The following TM4SF19 variants were observed in gnomAD, a reference collection of about 807,000 sequenced individuals.
The protein encoded by TM4SF19 is transmembrane 4 L6 family member 19.
A neutral mutation model predicts 21.8 loss-of-function variants in TM4SF19; 17 were observed. That is an observed-to-expected ratio of 0.78 (90% CI 0.53 to 1.17). The LOEUF (loss-of-function observed/expected upper bound fraction) is 1.17. TM4SF19 is among the 50% of genes most tolerant of loss of function. The pLI is 0.00. For missense variants in TM4SF19, 216 were observed against 252.1 expected (o/e 0.86, Z 0.97); for synonymous variants, 107 against 106.7 (o/e 1.00, Z -0.02).
chr3:196,335,587 G>T (rs1201363142), intron 1 of TM4SF19, among the ~76,000 whole-genome samples: 1 of 151,588 alleles, frequency 6.6e-6, no homozygotes, highest in African/African-American at 2.4e-5. Context: ...GGGGCCCAAG[G>T]GTCCTGGGGC....
At chr3:196,331,062 T>G (rs1007773969) in intron 1 of TM4SF19, among the ~76,000 whole-genome samples, 2 of 151,980 alleles carry the variant, frequency 1.3e-5, no homozygotes, top group African/African-American at 4.8e-5. Context: ...TCGCCTGATG[T>G]CAGGAGTTTG....
At chr3:196,337,051 CTTTTTTTTTTTTTTT>C (rs35897935) in intron 1 of TM4SF19, among the ~76,000 whole-genome samples, 22 of 67,818 alleles carry the variant, frequency 3.2e-4, no homozygotes, top group Non-Finnish European at 5.1e-4. Context: ...AAAAGCAATT[CTTTTTTTTTTTTTTT>C]TTTTTTTTTT....
At position 196,323,691 on chromosome 3, in the gene TM4SF19, T is replaced by G. The variant is rs973078846; in HGVS notation, c.*126A>C. 1 of 1,543,098 alleles carries G rather than the reference T, an allele frequency of 6.5e-7. No homozygotes were observed. On this transcript the variant is annotated 3_prime_UTR_variant, in exon 5 of 5. Coordinates refer to ENST00000273695, the MANE Select transcript of TM4SF19 (RefSeq NM_138461.4). Reference sequence around the variant, plus strand: ...TCCACCGACCTGCAGTGAATTTTGTTGTCATTATTACTCCAGGGATACCTA... The same window carrying G: ...TCCACCGACCTGCAGTGAATTTTGTGGTCATTATTACTCCAGGGATACCTA...
chr3:196,337,601 GA>G (rs1451882962), intron 1 of TM4SF19, among the ~76,000 whole-genome samples: 1 of 152,128 alleles, frequency 6.6e-6, no homozygotes, highest in African/African-American at 2.4e-5. Context: ...GCGGGTAAGG[GA>G]AAAACGCCTC....
chr3:196,336,018 A>T (rs1252387857), intron 1 of TM4SF19, among the ~76,000 whole-genome samples: 4 of 151,974 alleles, frequency 2.6e-5, no homozygotes, highest in Admixed American at 2.6e-4. Context: ...CCTTCAAATC[A>T]CGGCACCTCT....
chr3:196,335,797 G>A (rs1057147444), intron 1 of TM4SF19, among the ~76,000 whole-genome samples: 1 of 152,030 alleles, frequency 6.6e-6, no homozygotes, highest in Non-Finnish European at 1.5e-5. Flanking sequence ...CCTCCGAGAC[G>A]GTCCCATCGT....
Position 196,327,546 on chromosome 3 carries a change from G to A in TM4SF19, c.45C>T (p.Ser15=). Reference sequence around the variant, plus strand: ...TCCCAAGGCTCAGTCCCAGGATACGGGAGCAAGTCCGTGAGCTTGCCTGCG... The same window carrying A: ...TCCCAAGGCTCAGTCCCAGGATACGAGAGCAAGTCCGTGAGCTTGCCTGCG... The part of the protein sequence containing the change: ...PCTQASSRTC[S]RILGLSLGTA... Residue 15 remains serine (S), a synonymous_variant, in exon 2 of 5, where the codon TCC becomes TCT. Coordinates refer to ENST00000273695, the MANE Select transcript of TM4SF19 (RefSeq NM_138461.4). 3 of 1,614,028 alleles carry A rather than the reference G, an allele frequency of 1.9e-6. No homozygotes were observed. The highest frequency in any genetic ancestry group is 2.7e-5 in the African/African-American group (2 of 75,056).
At chr3:196,333,799 C>T (rs115301724) in intron 1 of TM4SF19, among the ~76,000 whole-genome samples, 8,220 of 152,266 alleles carry the variant, frequency 0.054, 272 homozygotes, top group Middle Eastern at 0.14. Context: ...CAGTAGTTCA[C>T]GCCTATAATC....
At chr3:196,327,292 T>C in intron 2 of TM4SF19, 98 bp downstream of exon 2, 1 of 1,239,012 alleles carries the variant, frequency 8.1e-7, no homozygotes. Flanking sequence ...TAGAATAAAC[T>C]TTTCTGCAAG....
In TM4SF19 at chr3:196,329,197, C is replaced by T. The variant is rs938555267; in HGVS notation, c.-1-1606G>A. Reference sequence around the variant, plus strand: ...GACCTCGTGATCCGCCTGTCTCGGGCTCCCAAAGTGCTGGGATTACAGGCA... The same window carrying T: ...GACCTCGTGATCCGCCTGTCTCGGGTTCCCAAAGTGCTGGGATTACAGGCA... On this transcript the variant is annotated intron_variant, in intron 1 of 4. Transcript: ENST00000273695. 1.3e-4 allele frequency among the ~76,000 whole-genome samples: 17 copies of T among 126,852 alleles called. 6 individuals are homozygous for T. The highest frequency in any genetic ancestry group is 2.6e-4 in the Non-Finnish European group (15 of 57,736). 83.2% of individuals were successfully genotyped at this position (126,852 alleles called of 152,430 possible).
At position 196,324,329 on chromosome 3, in the gene TM4SF19, A is replaced by C; in HGVS notation, c.391T>G (p.Ser131Ala). ...DGPFCMFDVS[S>A]FNQTQAWKYG... ...TTCCAAGCTTGTGTCTGATTGAAGGATGAAACATCAAACATGCAAAAAGGA... is the reference window on the plus strand; with the variant it reads ...TTCCAAGCTTGTGTCTGATTGAAGGCTGAAACATCAAACATGCAAAAAGGA... Residue 131 changes from serine (S) to alanine (A), a missense_variant, in exon 4 of 5, where the codon TCC becomes GCC. By Grantham distance (99) the Ser-to-Ala change is moderately conservative. Coordinates refer to ENST00000273695, the MANE Select transcript of TM4SF19 (RefSeq NM_138461.4). 8 of 1,614,174 alleles carry C rather than the reference A, an allele frequency of 5.0e-6. No homozygotes were observed. Among genetic ancestry groups the C allele is most frequent in the Non-Finnish European group, 6.8e-6 (8 of 1,180,036 alleles).
In TM4SF19 at chr3:196,324,792, C is replaced by A. The variant is rs561451244; in HGVS notation, c.280-352G>T. ...TTTGCACATTACAGCCATTCAGCCT[C>A]TGAGCTAAAGAAGAAGCTACCACAG... On this transcript the variant is annotated intron_variant, in intron 3 of 4. Coordinates refer to ENST00000273695, the MANE Select transcript of TM4SF19 (RefSeq NM_138461.4). 1.5e-5 allele frequency: 3 copies of A among 202,960 alleles called. No individual in the cohort carries two copies. In the South Asian group the frequency reaches 4.1e-4, roughly 28 times the overall value. 12.6% of individuals were successfully genotyped at this position (202,960 alleles called of 1,614,324 possible). A position where few individuals can be genotyped will look rare whatever the true frequency, so the allele number is the denominator to read the frequency against.
chr3:196,331,079 G>A (rs1162640108), intron 1 of TM4SF19, among the ~76,000 whole-genome samples: 1 of 151,914 alleles, frequency 6.6e-6, no homozygotes, highest in Non-Finnish European at 1.5e-5. Context: ...TTTGAGATAA[G>A]CCTGGTCAAC....
chr3:196,326,826 G>A (rs1244145954), intron 3 of TM4SF19, 129 bp downstream of exon 3: 7 of 608,354 alleles, frequency 1.2e-5, no homozygotes, highest in East Asian at 2.7e-5. Context: ...AGAACTTAGC[G>A]TTACTGAGGG....
At position 196,323,878 on chromosome 3, in the gene TM4SF19, A is replaced by C; in HGVS notation, c.569T>G (p.Leu190Arg). 6.2e-7 allele frequency: 1 copy of C among 1,614,212 alleles called. No individual in the cohort carries two copies. Among genetic ancestry groups the C allele is most frequent in the Non-Finnish European group, 8.5e-7 (1 of 1,180,040 alleles). Residue 190 changes from leucine (L) to arginine (R), a missense_variant, in exon 5 of 5, where the codon CTG becomes CGG. Coordinates refer to ENST00000273695, the MANE Select transcript of TM4SF19 (RefSeq NM_138461.4). ...LLCISLLQLL[L>R]VVVHVINSLL... ...GCTGTTGATGACATGAACGACCACC[A>C]GGAGAAGCTGGAGCAGGCTGATGCA... is the stretch of plus-strand genomic sequence containing the variant.
intron 1 of TM4SF19, among the ~76,000 whole-genome samples, chr3:196,332,483 G>C (rs1327363652): frequency 6.8e-6 from 1 of 147,710 alleles, no homozygotes; most frequent in African/African-American, 2.5e-5. Context: ...AAAGAGGAAG[G>C]GGAAGGGGAA....
At chr3:196,331,618 T>C (rs1324817333) in intron 1 of TM4SF19, among the ~76,000 whole-genome samples, 1 of 151,106 alleles carries the variant, frequency 6.6e-6, no homozygotes, top group Non-Finnish European at 1.5e-5. Context: ...CGAAACCCCA[T>C]CTCTACTAAA....
chr3:196,323,740 G>A lies in TM4SF19; in HGVS notation c.*77C>T, dbSNP rs112688644. The A allele has an allele frequency of 4.1e-5, 66 of 1,611,682 alleles. 1 individual carries two copies. In the African/African-American group the frequency reaches 4.4e-4, roughly 11 times the overall value. On this transcript the variant is annotated 3_prime_UTR_variant, in exon 5 of 5. Transcript: ENST00000273695. ...TAAAGGGGAAGTTTGTTTATAATTC[G>A]TACCCACTCCTTGTAGAAAGGATTC...
intron 2 of TM4SF19, 65 bp downstream of exon 2, chr3:196,327,325 C>A: frequency 6.7e-7 from 1 of 1,495,628 alleles, no homozygotes; most frequent in South Asian, 1.2e-5. Context: ...TCTTCCCATG[C>A]CACCTTCCTG....
Sources: gnomAD v4.1 joint callset for allele counts (sites outside exome capture counted in the v4.1 genomes callset) on GRCh38, gnomAD v4.1.1 for gene constraint, MANE v1.5 for transcripts, NCBI Gene and HGNC (gene_info 2026-07-23, HGNC 2026-07-21) for gene names.